ANKH: variants seen among roughly 807,000 people sequenced by gnomAD.
The protein encoded by ANKH is mineralization regulator ANKH.
ANKH carries 15 observed loss-of-function variants against 49.0 expected under a neutral mutation model. The observed-to-expected ratio is 0.31, with a 90% CI of 0.20 to 0.47. ANKH has a LOEUF of 0.47. Ranked by LOEUF, ANKH falls within the 20% of genes least tolerant of loss-of-function variation. The pLI is 1.00. For missense variants in ANKH, 429 were observed against 652.0 expected, an observed-to-expected ratio of 0.66 and a Z score of 3.72; for synonymous variants, 273 against 260.0, an observed-to-expected ratio of 1.05 and a Z score of -0.48.
At chr5:14,832,091 C>T (rs1386843391) in intron 1 of ANKH, among the ~76,000 whole-genome samples, 2 of 152,068 alleles carry the variant, frequency 1.3e-5, no homozygotes, top group East Asian at 3.9e-4. Flanking sequence ...CCTGGCAGCC[C>T]CCTTCTAAGA....
At position 14,713,636 on chromosome 5, in the gene ANKH, C is replaced by T. The variant is rs745317698; in HGVS notation, c.1173G>A (p.Leu391=). The T allele has an allele frequency of 6.2e-7, 1 of 1,614,174 alleles. No homozygotes were observed. Among genetic ancestry groups the T allele is most frequent in the African/African-American group, 1.3e-5 (1 of 75,062 alleles). ...GGACGAAGGTTTTCTTCAGTGTCAT[C>T]AGCCACCCGGTGAGATGCGCCCTCA... The part of the protein sequence containing the change: ...VTVRAHLTGW[L]MTLKKTFVLA... The change falls in exon 10 of 12, where the codon CTG becomes CTA. Residue 391 remains leucine, a synonymous_variant. Coordinates refer to ENST00000284268, the MANE Select transcript of ANKH (RefSeq NM_054027.6). This position sits in a 1 kb window ranked among gnomAD's most constrained non-coding sequence, Gnocchi z 4.4.
chr5:14,746,527 C>G (rs1738549576), intron 6 of ANKH, among the ~76,000 whole-genome samples: 1 of 152,174 alleles, frequency 6.6e-6, no homozygotes, highest in Non-Finnish European at 1.5e-5. Context: ...AAAATAAGCA[C>G]TGAACTTTGG....
intron 8 of ANKH, among the ~76,000 whole-genome samples, chr5:14,735,953 C>G (rs1248956327): frequency 3.3e-5 from 5 of 151,716 alleles, no homozygotes; most frequent in African/African-American, 9.7e-5. Flanking sequence ...TCCCTTTAAC[C>G]CCCCACTGAC....
At chr5:14,715,835 A>G (rs576056496) in intron 9 of ANKH, among the ~76,000 whole-genome samples, 4 of 152,250 alleles carry the variant, frequency 2.6e-5, no homozygotes, top group African/African-American at 9.6e-5. Context: ...TCACACCACT[A>G]TATTGGCTTG....
At chr5:14,764,614 C>T (rs1020264950) in intron 2 of ANKH, among the ~76,000 whole-genome samples, 5 of 152,316 alleles carry the variant, frequency 3.3e-5, no homozygotes, top group African/African-American at 7.2e-5. Context: ...CACTGAGGAT[C>T]GGGGTGGTTT....
intron 1 of ANKH, among the ~76,000 whole-genome samples, chr5:14,818,964 T>C (rs1278994551): frequency 6.6e-6 from 1 of 152,152 alleles, no homozygotes; most frequent in African/African-American, 2.4e-5. Context: ...AATCATACAA[T>C]ACTGTATCCT....
At position 14,711,313 on chromosome 5, in the gene ANKH, A is replaced by G; in HGVS notation, c.1366-3T>C. 2 of 1,611,722 alleles carry G rather than the reference A, an allele frequency of 1.2e-6. No homozygotes were observed. The highest frequency in any genetic ancestry group is 1.7e-6 in the Non-Finnish European group (2 of 1,177,858). ...GACTCATTCTCCATCTTCTTTTTCTAGACCAAAGAAGACTCATCAGTGTGG... is the reference window on the plus strand; with the variant it reads ...GACTCATTCTCCATCTTCTTTTTCTGGACCAAAGAAGACTCATCAGTGTGG... On this transcript the variant is annotated splice_region_variant and splice_polypyrimidine_tract_variant and intron_variant, in intron 11 of 11. Transcript: ENST00000284268.
At chr5:14,761,069 T>G (rs706289) in intron 2 of ANKH, among the ~76,000 whole-genome samples, 104,533 of 151,934 alleles carry the variant, frequency 0.69, 36,731 homozygotes, top group African/African-American at 0.82. Flanking sequence ...CAGGGAGAAC[T>G]CAGTGTGAAG....
At chr5:14,772,245 A>G (rs973553661) in intron 1 of ANKH, among the ~76,000 whole-genome samples, 2 of 152,230 alleles carry the variant, frequency 1.3e-5, no homozygotes, top group Admixed American at 6.5e-5. Flanking sequence ...CTTTACCAGG[A>G]GACACAGCTG....
At chr5:14,860,242 A>G (rs190742682) in intron 1 of ANKH, among the ~76,000 whole-genome samples, 2 of 152,316 alleles carry the variant, frequency 1.3e-5, no homozygotes, top group Non-Finnish European at 2.9e-5. Flanking sequence ...ACATTCGAAC[A>G]CAGAAACCTG....
intron 1 of ANKH, among the ~76,000 whole-genome samples, chr5:14,837,100 C>T (rs1485068644): frequency 1.3e-5 from 2 of 152,282 alleles, no homozygotes; most frequent in African/African-American, 4.8e-5. Flanking sequence ...CTTCCTTACA[C>T]CTTATACAAA....
chr5:14,760,213 C>T (rs1739033155), intron 2 of ANKH, among the ~76,000 whole-genome samples: 1 of 152,102 alleles, frequency 6.6e-6, no homozygotes. Flanking sequence ...CAAGAGAGGG[C>T]ATGTCACGTG....
At chr5:14,804,666 C>G (rs1740652891) in intron 1 of ANKH, among the ~76,000 whole-genome samples, 1 of 152,180 alleles carries the variant, frequency 6.6e-6, no homozygotes, top group Admixed American at 6.5e-5. Context: ...CTGCTGACTT[C>G]TCTAATTAAG....
intron 4 of ANKH, among the ~76,000 whole-genome samples, chr5:14,752,508 G>C (rs1050194575): frequency 2.6e-5 from 4 of 152,140 alleles, no homozygotes; most frequent in Non-Finnish European, 5.9e-5. Flanking sequence ...TAACCTCCCT[G>C]TACTGCAGAA....
chr5:14,742,058 G>T, intron 7 of ANKH, 136 bp from the exon 8 acceptor site: 1 of 721,494 alleles, frequency 1.4e-6, no homozygotes, highest in Non-Finnish European at 2.5e-6. Context: ...AGTTTGCCAG[G>T]CGGCTGTCAT....
chr5:14,805,972 A>T (rs920410921), intron 1 of ANKH, among the ~76,000 whole-genome samples: 1 of 152,228 alleles, frequency 6.6e-6, no homozygotes, highest in African/African-American at 2.4e-5. Context: ...GAGGCGATAC[A>T]TATAACATTA....
At chr5:14,729,018 G>A (rs1270627226) in intron 8 of ANKH, among the ~76,000 whole-genome samples, 1 of 152,140 alleles carries the variant, frequency 6.6e-6, no homozygotes, top group East Asian at 1.9e-4. Flanking sequence ...CCTGCAAGGT[G>A]CGTCCAAAAC....
intron 1 of ANKH, among the ~76,000 whole-genome samples, chr5:14,834,173 G>C (rs1463775133): frequency 6.6e-6 from 1 of 152,156 alleles, no homozygotes; most frequent in Non-Finnish European, 1.5e-5. Context: ...TAGACTGTCT[G>C]GGCACAGACA....
chr5:14,731,212 C>T (rs1737990648), intron 8 of ANKH, among the ~76,000 whole-genome samples: 1 of 152,108 alleles, frequency 6.6e-6, no homozygotes, highest in Admixed American at 6.5e-5. Flanking sequence ...TTTATCATTT[C>T]CAAATCGGCC....
Sources: allele counts gnomAD v4.1 joint callset (sites outside exome capture counted in the v4.1 genomes callset), GRCh38; gene constraint gnomAD v4.1.1; non-coding constraint Gnocchi (gnomAD v3.1); transcripts MANE v1.5; gene names NCBI Gene and HGNC (gene_info 2026-07-23, HGNC 2026-07-21).